The following TOP3A variants were observed in gnomAD, a reference collection of about 807,000 sequenced individuals.
The protein encoded by TOP3A is DNA topoisomerase III alpha.
In TOP3A, 64 loss-of-function variants were observed where a neutral mutation model predicts 111.3. The ratio of observed to expected loss-of-function variants is 0.57; its 90% CI spans 0.47 to 0.71. The LOEUF is 0.71. TOP3A is among the 30% of genes least tolerant of loss of function. The pLI is 0.00. For missense variants in TOP3A, 1,104 were observed against 1,285.0 expected, an observed-to-expected ratio of 0.86 and a Z score of 2.15; for synonymous variants, 484 against 485.1, an observed-to-expected ratio of 1.00 and a Z score of 0.03.
chr17:18,281,523 G>A (rs1486519699), intron 16 of TOP3A, among the ~76,000 whole-genome samples: 1 of 152,142 alleles, frequency 6.6e-6, no homozygotes, highest in East Asian at 1.9e-4. Context: ...ATATTCCAAT[G>A]AGTACTAATC....
intron 15 of TOP3A, among the ~76,000 whole-genome samples, chr17:18,283,187 T>C (rs1175812501): frequency 6.6e-6 from 1 of 152,136 alleles, no homozygotes; most frequent in Non-Finnish European, 1.5e-5. Flanking sequence ...CTGACCAACA[T>C]GGTGAAACCC....
At chr17:18,305,332 C>A in intron 4 of TOP3A, 112 bp from the exon 5 acceptor site, 1 of 851,462 alleles carries the variant, frequency 1.2e-6, no homozygotes, top group Non-Finnish European at 1.9e-6. Flanking sequence ...TGGAGTGTGA[C>A]AACTTGGCAA....
intron 9 of TOP3A, among the ~76,000 whole-genome samples, chr17:18,298,042 C>T (rs1440712670): frequency 1.3e-5 from 2 of 150,438 alleles, no homozygotes; most frequent in Admixed American, 6.6e-5. Context: ...GGCCGCCCAT[C>T]GTCTGAGATG....
intron 2 of TOP3A, 119 bp from the exon 3 acceptor site, chr17:18,308,543 G>A (rs1981724342): frequency 7.6e-6 from 5 of 660,280 alleles, no homozygotes; most frequent in South Asian, 6.9e-5. Flanking sequence ...TGATTGGGAA[G>A]AAATAAACAT....
chr17:18,280,684 G>A, intron 16 of TOP3A, 26 bp from the exon 17 acceptor site: 1 of 1,613,058 alleles, frequency 6.2e-7, no homozygotes, highest in Non-Finnish European at 8.5e-7. Context: ...CATGTCAGAT[G>A]ATAGGAGTGC....
At position 18,290,878 on chromosome 17, in the gene TOP3A, A is replaced by G. The variant is rs142931237; in HGVS notation, c.1431T>C (p.Tyr477=). 4.8e-4 allele frequency: 776 copies of G among 1,614,226 alleles called. 3 individuals are homozygous for G. Among genetic ancestry groups the G allele is most frequent in the Middle Eastern group, 1.6e-3 (10 of 6,062 alleles). ...AGTGATCATATGGATACACATCCAG[A>G]TAGTTTCGGGCCAGAATCATGAGGC... ...AHGLMILARN[Y]LDVYPYDHWS... The change falls in exon 12 of 19, where the codon TAT becomes TAC. Residue 477 remains tyrosine, a synonymous_variant. Transcript: ENST00000321105.
chr17:18,299,736 C>T (rs1185143101), intron 8 of TOP3A, 103 bp from the exon 9 acceptor site: 19 of 1,104,670 alleles, frequency 1.7e-5, no homozygotes, highest in South Asian at 2.5e-5. Context: ...CACTGACCAC[C>T]GCCAGCTAAG....
Position 18,282,697 on chromosome 17 carries a change from CCCG to C in TOP3A, c.2019_2021del (p.Gly674del). 1 of 1,613,196 alleles carries C rather than the reference CCCG, an allele frequency of 6.2e-7. No homozygotes were observed. Among genetic ancestry groups the C allele is most frequent in the Non-Finnish European group, 8.5e-7 (1 of 1,179,896 alleles). On this transcript the variant is annotated inframe_deletion and splice_region_variant, in exon 16 of 19. Transcript: ENST00000321105. ...GTGGGGGCAGAAGGCAGCGCACTCA[CCCG>C]CCATTCTTCTTGGTCTTAAGGACCA...
chr17:18,278,230 T>TG lies in TOP3A; in HGVS notation c.2271dup (p.Arg758GlnfsTer3), dbSNP rs752838075. On this transcript the variant is annotated frameshift_variant, in exon 18 of 19. Coordinates refer to ENST00000321105, the MANE Select transcript of TOP3A (RefSeq NM_004618.5). LOFTEE classifies it high-confidence loss of function. ...AGGCGGCCAGAGGGCTGGCTAGCCCTGGGGGGGCCCCCTGAAAATCTCAGG... is the reference window on the plus strand; with the variant it reads ...AGGCGGCCAGAGGGCTGGCTAGCCCTGGGGGGGGCCCCCTGAAAATCTCAGG... 1.8e-5 allele frequency: 28 copies of TG among 1,582,814 alleles called. No individual in the cohort carries two copies. The highest frequency in any genetic ancestry group is 4.6e-5 in the South Asian group (4 of 87,332).
intron 18 of TOP3A, 72 bp from the exon 19 acceptor site, chr17:18,275,052 C>T: frequency 3.2e-6 from 5 of 1,545,924 alleles, no homozygotes; most frequent in Non-Finnish European, 3.5e-6. Flanking sequence ...AACACGGTGG[C>T]TCATGCCTGT....
In TOP3A at chr17:18,285,415, A is replaced by G. The variant is rs745409293; in HGVS notation, c.1703T>C (p.Leu568Pro). The G allele has an allele frequency of 6.2e-7, 1 of 1,613,920 alleles. No homozygotes were observed. ...GCTCTGTCCTCCCTTACCTTCCACA[A>G]GTCCCATGCCCAGGTGCCCAGGGAG... ...RFLPGHLGMG[L>P]VEGYDSMGYE... is the part of the protein sequence containing the mutation. Residue 568 changes from leucine to proline, a missense_variant, in exon 14 of 19, where the codon CTT becomes CCT. By Grantham distance (98) the Leu-to-Pro change is moderately conservative. Coordinates refer to ENST00000321105, the MANE Select transcript of TOP3A (RefSeq NM_004618.5).
At chr17:18,289,064 G>A (rs919641132) in intron 13 of TOP3A, among the ~76,000 whole-genome samples, 5 of 152,176 alleles carry the variant, frequency 3.3e-5, no homozygotes, top group African/African-American at 9.7e-5. Context: ...CCAGGCTGGA[G>A]TGCAGTGCTG....
At chr17:18,300,560 T>C (rs1007921080) in intron 8 of TOP3A, among the ~76,000 whole-genome samples, 8 of 151,700 alleles carry the variant, frequency 5.3e-5, no homozygotes, top group African/African-American at 1.9e-4. Flanking sequence ...TTATTATTAT[T>C]TGATTTTTTT....
chr17:18,290,390 T>C, intron 13 of TOP3A, 167 bp downstream of exon 13: 2 of 740,542 alleles, frequency 2.7e-6, no homozygotes, highest in Non-Finnish European at 2.0e-6. Flanking sequence ...ACACACTTTG[T>C]GAACTTAGGT....
chr17:18,298,232 G>C (rs1196843150), intron 9 of TOP3A, among the ~76,000 whole-genome samples: 2 of 143,890 alleles, frequency 1.4e-5, no homozygotes, highest in Non-Finnish European at 3.0e-5. Context: ...CCCAGCAGCC[G>C]CGCCGTCTGA....
rs773320076 is a variant in TOP3A, at chr17:18,302,720, T to A, written c.503A>T (p.Lys168Met). ...FEIIHVCKAV[K>M]PNLQVLRARF... Reference sequence around the variant, plus strand: ...GGCTCGCAACACCTGCAGATTGGGCTTTACTGCAGAACACAAGGTGTTACC... The same window carrying A: ...GGCTCGCAACACCTGCAGATTGGGCATTACTGCAGAACACAAGGTGTTACC... The change falls in exon 6 of 19, where the codon AAG becomes ATG. Residue 168 changes from lysine to methionine, a missense_variant. Lys to Met is a moderately conservative substitution (Grantham distance 95, BLOSUM62 -1). Coordinates refer to ENST00000321105, the MANE Select transcript of TOP3A (RefSeq NM_004618.5). 2 of 1,613,376 alleles carry A rather than the reference T, an allele frequency of 1.2e-6. No individual in the cohort carries two copies. Among genetic ancestry groups the A allele is most frequent in the South Asian group, 2.2e-5 (2 of 91,058 alleles).
chr17:18,287,219 A>G (rs1341575928), intron 13 of TOP3A, among the ~76,000 whole-genome samples: 3 of 152,154 alleles, frequency 2.0e-5, no homozygotes, highest in Non-Finnish European at 2.9e-5. Flanking sequence ...GCAACATAGC[A>G]AGACCCTGTC....
At position 18,273,827 on chromosome 17, in the gene TOP3A, T is replaced by G. The variant is rs1274954978; in HGVS notation, c.*975A>C. ...AAAATAGAGACAAGGTCTAACTATG[T>G]TGCCCAGGCTGGTCTTGAACTCCTG... On this transcript the variant is annotated 3_prime_UTR_variant, in exon 19 of 19. Coordinates refer to ENST00000321105, the MANE Select transcript of TOP3A (RefSeq NM_004618.5). 2 of 152,244 alleles carry G rather than the reference T, an allele frequency of 1.3e-5. No homozygotes were observed. Among genetic ancestry groups the G allele is most frequent in the African/African-American group, 4.8e-5 (2 of 41,454 alleles). The allele number at this position is 152,244 out of a possible 1,614,324, so 9.4% of individuals were successfully genotyped here.
chr17:18,308,452 G>C, intron 2 of TOP3A, 28 bp from the exon 3 acceptor site: 1 of 1,502,730 alleles, frequency 6.7e-7, no homozygotes, highest in Non-Finnish European at 9.2e-7. Flanking sequence ...TCAAAATTCA[G>C]TTAGTCTTTT....
Sources: gnomAD v4.1 joint callset for allele counts (sites outside exome capture counted in the v4.1 genomes callset) on GRCh38, gnomAD v4.1.1 for gene constraint, MANE v1.5 for transcripts, NCBI Gene and HGNC (gene_info 2026-07-23, HGNC 2026-07-21) for gene names.